Variants in AK5 observed in about 807,000 individuals in gnomAD.
AK5 encodes the protein adenylate kinase isoenzyme 5.
A neutral mutation model predicts 69.5 loss-of-function variants in AK5; 27 were observed. The ratio of observed to expected loss-of-function variants is 0.39; its 90% CI spans 0.29 to 0.54. The LOEUF (loss-of-function observed/expected upper bound fraction) is 0.54. Among genes scored for constraint, AK5 ranks in the 20% least tolerant of loss-of-function variants. AK5 has a pLI of 0.71. For missense variants in AK5, 531 were observed against 700.4 expected (o/e 0.76, Z 2.73); for synonymous variants, 260 against 244.4 (o/e 1.06, Z -0.60).
intron 10 of AK5, among the ~76,000 whole-genome samples, chr1:77,495,908 G>T (rs147348548): frequency 6.6e-6 from 1 of 152,168 alleles, no homozygotes; most frequent in South Asian, 2.1e-4. Context: ...ACATTCATCT[G>T]TTAGGTATAT....
intron 8 of AK5, among the ~76,000 whole-genome samples, chr1:77,473,655 C>CATCATTA (rs1654658580): frequency 6.6e-6 from 1 of 152,158 alleles, no homozygotes; most frequent in African/African-American, 2.4e-5. Context: ...AAAAAAGAAG[C>CATCATTA]TGTCTTCTTA....
chr1:77,485,309 A>G (rs1020392143), intron 9 of AK5, among the ~76,000 whole-genome samples: 6 of 152,106 alleles, frequency 3.9e-5, no homozygotes, highest in African/African-American at 1.2e-4. Context: ...TTTGTCCCCA[A>G]CCCAATTCAT....
At chr1:77,483,278 T>C in intron 8 of AK5, 39 bp from the exon 9 acceptor site, 1 of 1,508,398 alleles carries the variant, frequency 6.6e-7, no homozygotes, top group Non-Finnish European at 9.2e-7. Flanking sequence ...GCAAAATACC[T>C]GCTGTTATTA....
chr1:77,450,683 C>T (rs1163567498), intron 8 of AK5, among the ~76,000 whole-genome samples: 1 of 152,134 alleles, frequency 6.6e-6, no homozygotes, highest in Admixed American at 6.6e-5. Flanking sequence ...TGCTAACCCC[C>T]TCAAAAAACT....
intron 5 of AK5, among the ~76,000 whole-genome samples, chr1:77,324,054 T>C (rs1570378896): frequency 6.6e-6 from 1 of 152,186 alleles, no homozygotes; most frequent in South Asian, 2.1e-4. Flanking sequence ...AAAGTCTGGG[T>C]TCAACTCAAG....
chr1:77,314,500 A>T (rs1660135682), intron 5 of AK5: 1 of 152,734 alleles, frequency 6.5e-6, no homozygotes, highest in Admixed American at 6.5e-5. Flanking sequence ...GTACTTTTTA[A>T]TGTAGCTTAA....
intron 10 of AK5, among the ~76,000 whole-genome samples, chr1:77,510,839 T>C (rs1196777034): frequency 1.3e-5 from 2 of 151,906 alleles, no homozygotes; most frequent in African/African-American, 2.4e-5. Flanking sequence ...CCATAGAGCC[T>C]AATAAGGAAG....
chr1:77,365,340 T>C (rs1000251657), intron 6 of AK5, among the ~76,000 whole-genome samples: 18 of 152,146 alleles, frequency 1.2e-4, no homozygotes, highest in African/African-American at 4.3e-4. Flanking sequence ...TTAAAAAAAA[T>C]TTTCCTGTCA....
intron 8 of AK5, among the ~76,000 whole-genome samples, chr1:77,470,860 TATATA>T (rs1654449372): frequency 8.8e-4 from 3 of 3,406 alleles, no homozygotes; most frequent in African/African-American, 2.5e-3. Context: ...TATATATATA[TATATA>T]TATATATATA....
chr1:77,363,094 G>C (rs540159000), intron 6 of AK5, among the ~76,000 whole-genome samples: 37 of 152,132 alleles, frequency 2.4e-4, no homozygotes, highest in African/African-American at 8.9e-4. Context: ...ACTGCCCATT[G>C]ACACCTCCAC....
rs780624481 is a variant in AK5 at position 77,340,369 on chromosome 1, C to G, written c.700-8C>G. ...GAATGCCTCTCTATTTGTTGATGCT[C>G]TCCACAGATCTGTACCCCCGATTTG... On this transcript the variant is annotated splice_region_variant and splice_polypyrimidine_tract_variant and intron_variant, in intron 5 of 13. Coordinates refer to ENST00000354567, the MANE Select transcript of AK5 (RefSeq NM_174858.3). 1.9e-6 allele frequency: 3 copies of G among 1,607,126 alleles called. No homozygotes were observed. Among genetic ancestry groups the G allele is most frequent in the South Asian group, 2.2e-5 (2 of 89,996 alleles).
intron 13 of AK5, among the ~76,000 whole-genome samples, chr1:77,554,335 T>A (rs1368526904): frequency 6.6e-6 from 1 of 152,188 alleles, no homozygotes; most frequent in Non-Finnish European, 1.5e-5. Context: ...TGAACAATCC[T>A]GACACCTGCT....
At chr1:77,288,105 G>A (rs1374420863) in intron 2 of AK5, among the ~76,000 whole-genome samples, 5 of 152,140 alleles carry the variant, frequency 3.3e-5, no homozygotes, top group Admixed American at 3.3e-4. Flanking sequence ...TAGGCATTTG[G>A]GTGCTATAAA....
At chr1:77,379,584 A>G in intron 6 of AK5, among the ~76,000 whole-genome samples, 1 of 152,186 alleles carries the variant, frequency 6.6e-6, no homozygotes, top group East Asian at 1.9e-4. Flanking sequence ...GTGAAGGAGC[A>G]TGTTCTGTGT....
chr1:77,368,106 G>GTA (rs897266248), intron 6 of AK5, among the ~76,000 whole-genome samples: 4 of 135,396 alleles, frequency 3.0e-5, no homozygotes, highest in African/African-American at 1.1e-4. Context: ...TCTGCTTAAG[G>GTA]TATATATAAG....
At position 77,521,908 on chromosome 1, in the gene AK5, C is replaced by T. The variant is rs140295986; in HGVS notation, c.1393C>T (p.Arg465Trp). 17 of 1,612,850 alleles carry T rather than the reference C, an allele frequency of 1.1e-5. No homozygotes were observed. Among genetic ancestry groups the T allele is most frequent in the Middle Eastern group, 1.7e-4 (1 of 6,050 alleles). Residue 465 changes from arginine to tryptophan, a missense_variant, in exon 12 of 14, where the codon CGG becomes TGG. By Grantham distance (101) the Arg-to-Trp change is moderately radical. Coordinates refer to ENST00000354567, the MANE Select transcript of AK5 (RefSeq NM_174858.3). ...TRGFLIDGYP[R>W]EVKQGEEFGR... ...GGGCTTCCTGATTGACGGCTATCCT[C>T]GGGAGGTGAAGCAAGGGGAAGAGTT... is the stretch of plus-strand genomic sequence containing the variant.
chr1:77,385,588 A>T (rs1647967845), intron 6 of AK5, among the ~76,000 whole-genome samples: 1 of 152,206 alleles, frequency 6.6e-6, no homozygotes, highest in Non-Finnish European at 1.5e-5. Flanking sequence ...GTTCATAAAT[A>T]TGTGTGGTCA....
intron 8 of AK5, among the ~76,000 whole-genome samples, chr1:77,473,367 G>A (rs1339589880): frequency 6.6e-6 from 1 of 151,994 alleles, no homozygotes; most frequent in Non-Finnish European, 1.5e-5. Context: ...ACAGGCATGA[G>A]ACACCATGCC....
rs1042197180 is a variant in AK5 at position 77,283,291 on chromosome 1, A to AG, written c.60+924dup. 3.0e-6 allele frequency: 3 copies of AG among 985,238 alleles called. No individual in the cohort carries two copies. In the African/African-American group the frequency reaches 5.2e-5, roughly 17 times the overall value. The allele number at this position is 985,238 out of a possible 1,614,324, so 61.0% of individuals were successfully genotyped here. ...AATCTCAAGTGCTTTTGCTTGAAGT[A>AG]GGGGGGAGGAGGAGAAAAGAATAGA... On this transcript the variant is annotated intron_variant, in intron 1 of 13. Transcript: ENST00000354567.
Sources: gnomAD v4.1 joint callset for allele counts (sites outside exome capture counted in the v4.1 genomes callset) on GRCh38, gnomAD v4.1.1 for gene constraint, MANE v1.5 for transcripts, NCBI Gene and HGNC (gene_info 2026-07-23, HGNC 2026-07-21) for gene names.